CLVS1: variants seen among roughly 807,000 people sequenced by gnomAD.
CLVS1 encodes clavesin-1.
Under a neutral mutation model 33.1 loss-of-function variants are expected in CLVS1, and 10 were observed. That is an observed-to-expected ratio of 0.30 (90% confidence interval 0.19 to 0.51). The LOEUF (loss-of-function observed/expected upper bound fraction) is 0.51, where lower values mean the gene tolerates loss of function less well. Among genes scored for constraint, CLVS1 ranks in the 20% least tolerant of loss-of-function variants. The probability of loss-of-function intolerance (pLI) is 0.97; values close to 1 mark genes in which losing one functional copy is unlikely to be tolerated. For synonymous variants in CLVS1, 163 were observed against 166.1 expected (o/e 0.98, Z 0.14); for missense variants, 343 against 433.4 (o/e 0.79, Z 1.85).
intron 5 of CLVS1, among the ~76,000 whole-genome samples, chr8:61,485,744 A>G (rs1586045877): frequency 6.6e-6 from 1 of 152,240 alleles, no homozygotes; most frequent in South Asian, 2.1e-4. Flanking sequence ...GCACATATAC[A>G]CCATGGAATA....
At chr8:61,318,524 T>G (rs917243064) in intron 2 of CLVS1, among the ~76,000 whole-genome samples, 2 of 152,202 alleles carry the variant, frequency 1.3e-5, no homozygotes, top group Non-Finnish European at 2.9e-5. Context: ...TTTCTGTAGT[T>G]CTAGAAAATT....
intron 2 of CLVS1, among the ~76,000 whole-genome samples, chr8:61,328,054 A>G (rs1298665034): frequency 1.3e-5 from 2 of 152,214 alleles, no homozygotes; most frequent in African/African-American, 2.4e-5. Context: ...TTTACATGTT[A>G]TCTTCCTTTC....
chr8:61,151,494 C>A (rs556972986), intron 2 of CLVS1, among the ~76,000 whole-genome samples: 1 of 152,276 alleles, frequency 6.6e-6, no homozygotes, highest in South Asian at 2.1e-4. Flanking sequence ...GAGGCTAGAT[C>A]AGCCTTATTT....
rs369952013 is a variant in CLVS1 at position 61,498,953 on chromosome 8, A to G, written c.978-502A>G. ...AGGTACACTAAAACATTAAAAATTC[A>G]ACAAACTTTATATATCTGAAGGTAC... On this transcript the variant is annotated intron_variant, in intron 5 of 5. Coordinates refer to ENST00000325897, the MANE Select transcript of CLVS1 (RefSeq NM_173519.3). Among the ~76,000 whole-genome samples, 19 of 152,294 alleles carry G rather than the reference A, an allele frequency of 1.2e-4. 1 individual carries two copies. In the East Asian group the frequency reaches 2.5e-3, roughly 20 times the overall value.
intron 5 of CLVS1, among the ~76,000 whole-genome samples, chr8:61,496,371 G>C (rs1353113407): frequency 2.0e-5 from 3 of 152,168 alleles, no homozygotes; most frequent in Non-Finnish European, 1.5e-5. Flanking sequence ...CTGTGTCTCT[G>C]GTTGTGCTCT....
At chr8:61,033,926 G>C in the CLVS1 span, among the ~76,000 whole-genome samples, 3 of 152,344 alleles carry the variant, frequency 2.0e-5, no homozygotes, top group Non-Finnish European at 2.9e-5. Context: ...CATGGTCTTA[G>C]AGACTCCGGC....
intron 2 of CLVS1, among the ~76,000 whole-genome samples, chr8:61,199,646 A>G (rs1258766792): frequency 6.6e-6 from 1 of 152,202 alleles, no homozygotes; most frequent in Non-Finnish European, 1.5e-5. Context: ...AATGTTTATC[A>G]CTGCTGGTGG....
chr8:61,191,644 A>C (rs2129302794), intron 2 of CLVS1, among the ~76,000 whole-genome samples: 1 of 151,816 alleles, frequency 6.6e-6, no homozygotes, highest in African/African-American at 2.4e-5. Context: ...TCAGCCCAAA[A>C]TCTCCTTAAG....
At chr8:61,177,942 C>T (rs1462920696) in intron 2 of CLVS1, among the ~76,000 whole-genome samples, 3 of 151,686 alleles carry the variant, frequency 2.0e-5, no homozygotes, top group African/African-American at 7.3e-5. Context: ...TCTTCTCCTC[C>T]AAATAATCAC....
the CLVS1 span, among the ~76,000 whole-genome samples, chr8:61,024,718 A>G: frequency 2.6e-5 from 4 of 152,170 alleles, no homozygotes; most frequent in South Asian, 2.1e-4. Flanking sequence ...GACTGTGGTG[A>G]TAAGTCCACT....
chr8:61,317,918 T>C (rs1027325000), intron 2 of CLVS1, among the ~76,000 whole-genome samples: 7 of 152,176 alleles, frequency 4.6e-5, no homozygotes, highest in African/African-American at 7.2e-5. Flanking sequence ...TGAAAGCCTG[T>C]GCAAATTTAT....
the CLVS1 span, among the ~76,000 whole-genome samples, chr8:61,003,054 A>G: frequency 1.3e-5 from 2 of 152,192 alleles, no homozygotes; most frequent in African/African-American, 2.4e-5. Flanking sequence ...TACACAGTTA[A>G]AAGGCAGACA....
chr8:61,149,564 AAAAAC>A (rs1304827355), intron 2 of CLVS1, among the ~76,000 whole-genome samples: 18 of 149,808 alleles, frequency 1.2e-4, no homozygotes, highest in African/African-American at 4.4e-4. Context: ...AAAAAAAAAA[AAAAAC>A]AAAAAACAAA....
chr8:61,108,009 T>G (rs1324141863), intron 1 of CLVS1, among the ~76,000 whole-genome samples: 1 of 152,154 alleles, frequency 6.6e-6, no homozygotes, highest in Non-Finnish European at 1.5e-5. Flanking sequence ...GGCTCACGCC[T>G]GTAATCCCAG....
At chr8:61,072,288 A>G (rs2129280511) in intron 1 of CLVS1, among the ~76,000 whole-genome samples, 1 of 152,180 alleles carries the variant, frequency 6.6e-6, no homozygotes, top group African/African-American at 2.4e-5. Context: ...TGTTAATCTT[A>G]TCCCCTTATA....
chr8:61,280,097 C>T (rs1410097682), intron 2 of CLVS1, among the ~76,000 whole-genome samples: 4 of 148,530 alleles, frequency 2.7e-5, no homozygotes, highest in African/African-American at 1.0e-4. Context: ...TAGTAAGTAA[C>T]AAACCTAATT....
At chr8:61,142,185 G>A (rs1338104040) in intron 2 of CLVS1, among the ~76,000 whole-genome samples, 1 of 152,154 alleles carries the variant, frequency 6.6e-6, no homozygotes, top group South Asian at 2.1e-4. Flanking sequence ...GATCATGGGG[G>A]TGGTTTCCCC....
chr8:61,077,694 A>C (rs1804946661), intron 1 of CLVS1, among the ~76,000 whole-genome samples: 1 of 148,542 alleles, frequency 6.7e-6, no homozygotes. Context: ...CAAATGAAAT[A>C]CTCGAAAAGC....
chr8:61,153,262 T>G (rs1188169790), intron 2 of CLVS1, among the ~76,000 whole-genome samples: 1 of 152,222 alleles, frequency 6.6e-6, no homozygotes, highest in Non-Finnish European at 1.5e-5. Flanking sequence ...GGACTTGAAA[T>G]GGACAGATTT....
Sources: allele counts gnomAD v4.1 joint callset (sites outside exome capture counted in the v4.1 genomes callset), GRCh38; gene constraint gnomAD v4.1.1; transcripts MANE v1.5; gene names NCBI Gene and HGNC (gene_info 2026-07-23, HGNC 2026-07-21).